IKZF2: variants seen among roughly 807,000 people sequenced by gnomAD.
The protein encoded by IKZF2 is IKAROS family zinc finger 2.
Under a neutral mutation model 49.2 loss-of-function variants are expected in IKZF2, and 15 were observed. The ratio of observed to expected loss-of-function variants is 0.30; its 90% CI spans 0.20 to 0.47. The LOEUF is 0.47. Among genes scored for constraint, IKZF2 ranks in the 20% least tolerant of loss-of-function variants. The pLI, the probability that IKZF2 is intolerant of heterozygous loss-of-function variation, is 1.00. For synonymous variants in IKZF2, 227 were observed against 221.4 expected (o/e 1.03, Z -0.23); for missense variants, 567 against 664.6 (o/e 0.85, Z 1.61).
At chr2:213,030,925 A>T (rs1244003291) in intron 6 of IKZF2, among the ~76,000 whole-genome samples, 4 of 151,778 alleles carry the variant, frequency 2.6e-5, no homozygotes, top group Non-Finnish European at 5.9e-5. Flanking sequence ...TCCTGGGTTC[A>T]AATGATTCTC....
At position 213,003,572 on chromosome 2, in the gene IKZF2, T is replaced by C. The variant is rs1316349978; in HGVS notation, c.*3788A>G. ...AAACTAGGGGCACACAGTTTTTTGC[T>C]TGTATTTTTACAGCCCCGTCTGCTC... On this transcript the variant is annotated 3_prime_UTR_variant, in exon 9 of 9. Coordinates refer to ENST00000434687, the MANE Select transcript of IKZF2 (RefSeq NM_001387220.1). The C allele has an allele frequency of 1.3e-5, 2 of 151,756 alleles. No homozygotes were observed. The highest frequency in any genetic ancestry group is 1.3e-4 in the Admixed American group (2 of 15,190). 9.4% of individuals were successfully genotyped at this position (151,756 alleles called of 1,614,324 possible).
Position 213,004,246 on chromosome 2 carries a change from C to T in IKZF2, c.*3114G>A, listed in dbSNP as rs373816664. 1 of 151,752 alleles carries T rather than the reference C, an allele frequency of 6.6e-6. No homozygotes were observed. The highest frequency in any genetic ancestry group is 2.4e-5 in the African/African-American group (1 of 41,352). The allele number at this position is 151,752 out of a possible 1,614,324, so 9.4% of individuals were successfully genotyped here. A position where few individuals can be genotyped will look rare whatever the true frequency, so the allele number is the denominator to read the frequency against. ...AGGGGAGATACTTTCTACTACGTAGCCAAATCTAAGTCGTAGTTTCTTATT... is the reference window on the plus strand; with the variant it reads ...AGGGGAGATACTTTCTACTACGTAGTCAAATCTAAGTCGTAGTTTCTTATT... On this transcript the variant is annotated 3_prime_UTR_variant, in exon 9 of 9. Transcript: ENST00000434687.
At chr2:213,122,547 T>C (rs2060093754) in intron 4 of IKZF2, among the ~76,000 whole-genome samples, 1 of 152,192 alleles carries the variant, frequency 6.6e-6, no homozygotes, top group Non-Finnish European at 1.5e-5. Context: ...AATAAATTGG[T>C]TTTAAGGATT....
chr2:213,060,465 T>C (rs919378572), intron 4 of IKZF2, among the ~76,000 whole-genome samples: 11 of 151,430 alleles, frequency 7.3e-5, no homozygotes, highest in African/African-American at 2.7e-4. Flanking sequence ...ATATGAAATT[T>C]ATTTTACAAT....
At chr2:213,038,331 C>CT (rs765947065) in intron 6 of IKZF2, among the ~76,000 whole-genome samples, 8 of 152,116 alleles carry the variant, frequency 5.3e-5, no homozygotes, top group African/African-American at 9.7e-5. Flanking sequence ...AGTGCTGAGA[C>CT]TACAGGCGTG....
At chr2:213,118,528 T>G (rs933888765) in intron 4 of IKZF2, among the ~76,000 whole-genome samples, 1 of 152,178 alleles carries the variant, frequency 6.6e-6, no homozygotes, top group African/African-American at 2.4e-5. Flanking sequence ...AAACACTAAC[T>G]CTAACAAACT....
At chr2:213,094,849 G>A (rs1348515642) in intron 4 of IKZF2, among the ~76,000 whole-genome samples, 1 of 152,080 alleles carries the variant, frequency 6.6e-6, no homozygotes, top group African/African-American at 2.4e-5. Context: ...CAAGATACCA[G>A]ATGACAGACT....
rs1553539345 is a variant in IKZF2 at position 213,005,191 on chromosome 2, T to TTGGGG, written c.*2168_*2169insCCCCA. 1.3e-5 allele frequency: 1 copy of TTGGGG among 76,786 alleles called. No individual in the cohort carries two copies. The highest frequency in any genetic ancestry group is 2.8e-5 in the Non-Finnish European group (1 of 35,870). The allele number at this position is 76,786 out of a possible 1,614,324, so 4.8% of individuals were successfully genotyped here. A position where few individuals can be genotyped will look rare whatever the true frequency, so the allele number is the denominator to read the frequency against. On this transcript the variant is annotated 3_prime_UTR_variant, in exon 9 of 9. Coordinates refer to ENST00000434687, the MANE Select transcript of IKZF2 (RefSeq NM_001387220.1). ...CAATTATTATTTGGGAGTGGTTGGG[T>TTGGGG]GGGGGGGGGTGAGCGAGTCTCAAAA... is the stretch of plus-strand genomic sequence containing the variant.
intron 6 of IKZF2, among the ~76,000 whole-genome samples, chr2:213,025,678 C>T (rs536024687): frequency 1.3e-5 from 2 of 152,192 alleles, no homozygotes; most frequent in African/African-American, 4.8e-5. Context: ...TTGAGTCTTG[C>T]CTCATGGATA....
chr2:213,138,975 A>G (rs1334433659), intron 4 of IKZF2, among the ~76,000 whole-genome samples: 3 of 152,016 alleles, frequency 2.0e-5, no homozygotes, highest in Admixed American at 1.3e-4. Flanking sequence ...ACTGCTGACC[A>G]CATCAGCTGT....
intron 3 of IKZF2, 127 bp from the exon 4 acceptor site, chr2:213,147,939 AGAAAC>A: frequency 1.5e-6 from 1 of 649,708 alleles, no homozygotes; most frequent in Non-Finnish European, 2.7e-6. Context: ...TTTTTCCCTT[AGAAAC>A]TATAAGGAAA....
chr2:213,082,145 G>C (rs758496497), intron 4 of IKZF2, among the ~76,000 whole-genome samples: 2 of 152,118 alleles, frequency 1.3e-5, no homozygotes, highest in Non-Finnish European at 2.9e-5. Context: ...AATTTTTCTA[G>C]TTTTGTTCTA....
At chr2:213,040,936 G>A (rs1478829033) in intron 6 of IKZF2, among the ~76,000 whole-genome samples, 2 of 152,010 alleles carry the variant, frequency 1.3e-5, no homozygotes, top group African/African-American at 2.4e-5. Context: ...TGGCCAACAC[G>A]GTGAAACCCC....
At chr2:213,121,175 T>C (rs538985115) in intron 4 of IKZF2, among the ~76,000 whole-genome samples, 2 of 152,336 alleles carry the variant, frequency 1.3e-5, no homozygotes, top group East Asian at 1.9e-4. Context: ...TCAAGATGCA[T>C]AATAGTTATC....
chr2:213,032,032 A>T (rs1574551607), intron 6 of IKZF2, among the ~76,000 whole-genome samples: 1 of 152,188 alleles, frequency 6.6e-6, no homozygotes, highest in South Asian at 2.1e-4. Flanking sequence ...AAGGTGCAAA[A>T]AGTTTTAATG....
At chr2:213,019,013 A>C (rs1696906518) in intron 7 of IKZF2, among the ~76,000 whole-genome samples, 1 of 152,070 alleles carries the variant, frequency 6.6e-6, no homozygotes, top group Admixed American at 6.6e-5. Context: ...TTCCTACCAG[A>C]CTATAAAGTA....
chr2:213,139,604 T>C (rs1239836921), intron 4 of IKZF2, among the ~76,000 whole-genome samples: 4 of 151,990 alleles, frequency 2.6e-5, no homozygotes, highest in African/African-American at 9.7e-5. Context: ...TAAACATAAA[T>C]TGGCATTCTG....
chr2:213,109,148 C>T (rs981402862), intron 4 of IKZF2, among the ~76,000 whole-genome samples: 6 of 151,890 alleles, frequency 4.0e-5, no homozygotes, highest in African/African-American at 9.7e-5. Context: ...ATTAATTCTC[C>T]GTATTAAATA....
chr2:213,139,571 G>A (rs1250082584), intron 4 of IKZF2, among the ~76,000 whole-genome samples: 1 of 151,956 alleles, frequency 6.6e-6, no homozygotes, highest in African/African-American at 2.4e-5. Context: ...GTGTGTGTGT[G>A]TGCTTTATTT....
Sources: allele counts gnomAD v4.1 joint callset (sites outside exome capture counted in the v4.1 genomes callset), GRCh38; gene constraint gnomAD v4.1.1; transcripts MANE v1.5; gene names NCBI Gene and HGNC (gene_info 2026-07-23, HGNC 2026-07-21).